Variants in HHAT observed in about 807,000 individuals in gnomAD.
The protein encoded by HHAT is hedgehog acyltransferase.
A neutral mutation model predicts 70.8 loss-of-function variants in HHAT; 47 were observed. That is an observed-to-expected ratio of 0.66 (90% confidence interval 0.53 to 0.85). The LOEUF is 0.85. HHAT is among the 40% of genes least tolerant of loss of function. The pLI is 0.00. For missense variants in HHAT, 609 were observed against 604.8 expected, an observed-to-expected ratio of 1.01 and a Z score of -0.07; for synonymous variants, 228 against 247.6, an observed-to-expected ratio of 0.92 and a Z score of 0.74.
intron 8 of HHAT, among the ~76,000 whole-genome samples, chr1:210,478,713 T>C (rs2094344424): frequency 6.6e-6 from 1 of 152,194 alleles, no homozygotes; most frequent in African/African-American, 2.4e-5. Context: ...ATTTTCCTTA[T>C]GACAAGTAGG....
chr1:210,485,724 C>T (rs1175417728), intron 8 of HHAT, among the ~76,000 whole-genome samples: 2 of 152,096 alleles, frequency 1.3e-5, no homozygotes, highest in African/African-American at 2.4e-5. Context: ...AACAGCCTCC[C>T]CTTATCAAAC....
intron 11 of HHAT, among the ~76,000 whole-genome samples, chr1:210,624,606 A>G (rs1669487293): frequency 1.3e-5 from 2 of 152,214 alleles, no homozygotes; most frequent in East Asian, 3.9e-4. Flanking sequence ...CATTAAATAG[A>G]TAATCTGAAT....
chr1:210,673,971 T>A (rs35841615), intron 11 of HHAT, among the ~76,000 whole-genome samples: 2 of 145,196 alleles, frequency 1.4e-5, no homozygotes, highest in Non-Finnish European at 1.5e-5. Flanking sequence ...TTTTTTTTTT[T>A]ATTATACTTT....
At chr1:210,649,986 T>A (rs1212179768) in intron 11 of HHAT, among the ~76,000 whole-genome samples, 2 of 152,176 alleles carry the variant, frequency 1.3e-5, no homozygotes, top group Non-Finnish European at 2.9e-5. Context: ...CTTTTTGGAT[T>A]TATAGTTGTG....
chr1:210,434,905 AT>A (rs1284806520), intron 7 of HHAT, among the ~76,000 whole-genome samples: 1 of 151,918 alleles, frequency 6.6e-6, no homozygotes, highest in African/African-American at 2.4e-5. Flanking sequence ...TTGGGGGTAT[AT>A]GTGGTAATTT....
In HHAT at chr1:210,675,285, G is replaced by A. The variant is rs1236596020; in HGVS notation, c.*906G>A. The A allele has an allele frequency of 6.6e-6, 1 of 152,140 alleles. No homozygotes were observed. The highest frequency in any genetic ancestry group is 1.5e-5 in the Non-Finnish European group (1 of 68,018). 9.4% of individuals were successfully genotyped at this position (152,140 alleles called of 1,614,324 possible). A position where few individuals can be genotyped will look rare whatever the true frequency, so the allele number is the denominator to read the frequency against. ...ATTATTAAGGTTTGATTCAAACAGA[G>A]CCTTTTCTGTCCTGTAGATAATCTA... On this transcript the variant is annotated 3_prime_UTR_variant, in exon 12 of 12. Transcript: ENST00000261458.
At chr1:210,649,132 A>G (rs980277719) in intron 11 of HHAT, among the ~76,000 whole-genome samples, 2 of 152,304 alleles carry the variant, frequency 1.3e-5, no homozygotes, top group Middle Eastern at 3.4e-3. Flanking sequence ...TTTAGCATAC[A>G]TTTGGCTATA....
chr1:210,649,496 A>G (rs758041981), intron 11 of HHAT, among the ~76,000 whole-genome samples: 17 of 152,258 alleles, frequency 1.1e-4, no homozygotes, highest in Non-Finnish European at 2.5e-4. Context: ...TAACATCACC[A>G]TGACTAACAC....
intron 8 of HHAT, among the ~76,000 whole-genome samples, chr1:210,510,339 TG>T (rs2094932445): frequency 6.6e-6 from 1 of 152,176 alleles, no homozygotes; most frequent in African/African-American, 2.4e-5. Flanking sequence ...ATGATGGTGT[TG>T]GCATGAGTTG....
intron 8 of HHAT, among the ~76,000 whole-genome samples, chr1:210,466,461 CACTT>C (rs2094111245): frequency 6.6e-6 from 1 of 152,216 alleles, no homozygotes; most frequent in Non-Finnish European, 1.5e-5. Flanking sequence ...TCATCAAAGT[CACTT>C]ACTGAGTCAA....
At chr1:210,507,501 C>T (rs1465546136) in intron 8 of HHAT, among the ~76,000 whole-genome samples, 3 of 151,694 alleles carry the variant, frequency 2.0e-5, no homozygotes, top group Admixed American at 6.6e-5. Context: ...GCTGGGATTA[C>T]AGGCACCCAA....
chr1:210,395,728 G>A (rs1045259814), intron 4 of HHAT, among the ~76,000 whole-genome samples: 4 of 152,176 alleles, frequency 2.6e-5, no homozygotes, highest in African/African-American at 9.7e-5. Flanking sequence ...GACTTTGGAA[G>A]ACAGTAGGTT....
At chr1:210,400,763 G>C in intron 5 of HHAT, 101 bp downstream of exon 5, 1 of 1,087,372 alleles carries the variant, frequency 9.2e-7, no homozygotes, top group African/African-American at 1.6e-5. Context: ...GATGATTGTA[G>C]AACTGTGATG....
intron 6 of HHAT, among the ~76,000 whole-genome samples, chr1:210,406,599 T>A (rs1321676233): frequency 6.6e-6 from 1 of 152,058 alleles, no homozygotes; most frequent in African/African-American, 2.4e-5. Flanking sequence ...TTGCTATGTT[T>A]CCCAGGCTTG....
At chr1:210,579,226 C>A (rs1318160460) in intron 9 of HHAT, among the ~76,000 whole-genome samples, 1 of 152,076 alleles carries the variant, frequency 6.6e-6, no homozygotes, top group Admixed American at 6.5e-5. Flanking sequence ...ATCTGTATAA[C>A]AAACCCCTGT....
chr1:210,649,471 G>T (rs1674692515), intron 11 of HHAT, among the ~76,000 whole-genome samples: 1 of 152,208 alleles, frequency 6.6e-6, no homozygotes, highest in Non-Finnish European at 1.5e-5. Context: ...AGCAGTGATT[G>T]GTAGTGTTGG....
chr1:210,604,672 A>T (rs1016693574), intron 10 of HHAT, among the ~76,000 whole-genome samples: 1 of 152,134 alleles, frequency 6.6e-6, no homozygotes, highest in Non-Finnish European at 1.5e-5. Flanking sequence ...AGCAGGACGG[A>T]TTCACCCTAG....
chr1:210,391,257 AC>A (rs2091439201), intron 4 of HHAT, among the ~76,000 whole-genome samples: 1 of 152,242 alleles, frequency 6.6e-6, no homozygotes, highest in African/African-American at 2.4e-5. Flanking sequence ...TAGAAAGTAT[AC>A]ATATACTTAT....
At chr1:210,586,177 C>G (rs1427665980) in intron 9 of HHAT, among the ~76,000 whole-genome samples, 1 of 152,134 alleles carries the variant, frequency 6.6e-6, no homozygotes, top group Non-Finnish European at 1.5e-5. Flanking sequence ...GGTATAGTGA[C>G]TCATACCTGT....
Sources: gnomAD v4.1 joint callset for allele counts (sites outside exome capture counted in the v4.1 genomes callset) on GRCh38, gnomAD v4.1.1 for gene constraint, MANE v1.5 for transcripts, NCBI Gene and HGNC (gene_info 2026-07-23, HGNC 2026-07-21) for gene names.